The following FLT1 variants were observed in gnomAD, a reference collection of about 807,000 sequenced individuals.
FLT1 encodes the protein fms related receptor tyrosine kinase 1.
In FLT1, 49 loss-of-function variants were observed where a neutral mutation model predicts 156.3. That is an observed-to-expected ratio of 0.31 (90% CI 0.25 to 0.40). FLT1 has a LOEUF of 0.40. Ranked by LOEUF, FLT1 falls within the 10% of genes least tolerant of loss-of-function variation. The pLI is 1.00. For missense variants in FLT1, 1,322 were observed against 1,637.2 expected (o/e 0.81, Z 3.32); for synonymous variants, 594 against 583.8 (o/e 1.02, Z -0.25).
chr13:28,320,440 T>C (rs1303813220), intron 23 of FLT1, among the ~76,000 whole-genome samples: 1 of 152,138 alleles, frequency 6.6e-6, no homozygotes, highest in South Asian at 2.1e-4. Flanking sequence ...AGAACAAACA[T>C]GTCCAATTCC....
chr13:28,483,003 T>C (rs1880947193), intron 1 of FLT1, among the ~76,000 whole-genome samples: 1 of 152,180 alleles, frequency 6.6e-6, no homozygotes, highest in African/African-American at 2.4e-5. Flanking sequence ...AAGTTACAGG[T>C]ACTCAAAGTC....
At chr13:28,350,075 A>T (rs1392678041) in intron 15 of FLT1, among the ~76,000 whole-genome samples, 2 of 152,158 alleles carry the variant, frequency 1.3e-5, no homozygotes, top group African/African-American at 2.4e-5. Context: ...CCCAGCTTCA[A>T]TTTGCTGGTG....
At chr13:28,318,930 C>T (rs968085798) in intron 24 of FLT1, among the ~76,000 whole-genome samples, 3 of 152,156 alleles carry the variant, frequency 2.0e-5, no homozygotes, top group African/African-American at 7.2e-5. Flanking sequence ...AACCAGTGTC[C>T]AGAGCCATAT....
At chr13:28,349,637 G>T (rs983216928) in intron 15 of FLT1, among the ~76,000 whole-genome samples, 1 of 152,120 alleles carries the variant, frequency 6.6e-6, no homozygotes, top group African/African-American at 2.4e-5. Flanking sequence ...GATGCTTCCC[G>T]CATGGAATGC....
intron 1 of FLT1, among the ~76,000 whole-genome samples, chr13:28,481,262 T>A (rs1280944795): frequency 6.6e-6 from 1 of 151,610 alleles, no homozygotes; most frequent in African/African-American, 2.4e-5. Context: ...GCAGTGTAGA[T>A]CCTCATTCTC....
chr13:28,329,726 C>T lies in FLT1; in HGVS notation c.2596G>A (p.Gly866Arg), dbSNP rs766101235. Residue 866 changes from glycine (G) to arginine (R), a missense_variant and splice_region_variant, in exon 19 of 30, where the codon GGG becomes AGG. Around this residue, in one of 3 missense-constraint regions of FLT1, gnomAD observed 991 missense variants for 1,254.8 expected, o/e 0.79. Transcript: ENST00000282397. ...RTVAVKMLKE[G>R]ATASEYKALM... ...GCTTTGTACTCGCTGGCCGTGGCCC[C>T]CTCTGTGTGAGAAGCAAGGAAGAGT... The T allele has an allele frequency of 3.1e-6, 5 of 1,613,316 alleles. No homozygotes were observed. Among genetic ancestry groups the T allele is most frequent in the Non-Finnish European group, 3.4e-6 (4 of 1,179,372 alleles).
At chr13:28,382,676 T>C (rs1040495132) in intron 14 of FLT1, among the ~76,000 whole-genome samples, 10 of 152,124 alleles carry the variant, frequency 6.6e-5, no homozygotes, top group Non-Finnish European at 1.5e-4. Context: ...GAGAAAGGAA[T>C]GGATTTGAGA....
At chr13:28,460,829 C>T (rs796835530) in intron 3 of FLT1, among the ~76,000 whole-genome samples, 72 of 151,002 alleles carry the variant, frequency 4.8e-4, no homozygotes, top group African/African-American at 1.7e-3. Context: ...CACACACACA[C>T]GCACGTATGT....
In FLT1 at chr13:28,306,757, T is replaced by C. The variant is rs1343547520; in HGVS notation, c.3736A>G (p.Ser1246Gly). ...ATGGGAGAGGCCAACAGAGTGCTGC[T>C]GTCGCCCTGGTAGTCCTAGGGGGAG... ...TSMFDDYQGDSSTLLASPMLK... is the reference protein window; with the variant it reads ...TSMFDDYQGDGSTLLASPMLK... Residue 1246 changes from serine (S) to glycine (G), a missense_variant, in exon 29 of 30, where the codon AGC (serine) becomes GGC (glycine). Transcript: ENST00000282397. The C allele has an allele frequency of 1.2e-6, 2 of 1,613,390 alleles. No individual in the cohort carries two copies. Among genetic ancestry groups the C allele is most frequent in the Non-Finnish European group, 1.7e-6 (2 of 1,179,486 alleles).
intron 10 of FLT1, among the ~76,000 whole-genome samples, chr13:28,409,046 C>T (rs1875982336): frequency 6.6e-6 from 1 of 152,160 alleles, no homozygotes; most frequent in Non-Finnish European, 1.5e-5. Flanking sequence ...GAGCTAGGAC[C>T]TCATGTGTGA....
intron 11 of FLT1, among the ~76,000 whole-genome samples, chr13:28,401,009 T>C (rs1875397671): frequency 6.6e-6 from 1 of 152,130 alleles, no homozygotes; most frequent in Admixed American, 6.6e-5. Flanking sequence ...GTGGATCACC[T>C]GAGGTCAGGA....
chr13:28,356,295 C>T (rs187278425), intron 15 of FLT1, among the ~76,000 whole-genome samples: 2 of 152,182 alleles, frequency 1.3e-5, no homozygotes, highest in Admixed American at 6.5e-5. Flanking sequence ...TTCCCTGGCC[C>T]GGCACGGCCA....
intron 17 of FLT1, among the ~76,000 whole-genome samples, chr13:28,338,553 A>C (rs1201792687): frequency 6.6e-6 from 1 of 152,216 alleles, no homozygotes; most frequent in African/African-American, 2.4e-5. Flanking sequence ...CCTGGAAAAC[A>C]ACAGTCTTTG....
chr13:28,414,008 TC>T (rs1876491160), intron 10 of FLT1, among the ~76,000 whole-genome samples: 1 of 152,204 alleles, frequency 6.6e-6, no homozygotes, highest in Non-Finnish European at 1.5e-5. Flanking sequence ...TGTCCTTAGA[TC>T]ACACCAGCCC....
At chr13:28,353,382 G>A (rs1872789051) in intron 15 of FLT1, among the ~76,000 whole-genome samples, 1 of 151,994 alleles carries the variant, frequency 6.6e-6, no homozygotes, top group African/African-American at 2.4e-5. Flanking sequence ...AGACCAGCCT[G>A]GCCAACGTGG....
At chr13:28,428,001 T>C (rs1281994981) in intron 8 of FLT1, 80 bp from the exon 9 acceptor site, 1 of 1,274,842 alleles carries the variant, frequency 7.8e-7, no homozygotes, top group East Asian at 2.3e-5. Flanking sequence ...TTGAAGTTTT[T>C]GAGCTCAAGT....
At chr13:28,466,814 A>G in intron 3 of FLT1, 89 bp downstream of exon 3, 1 of 924,036 alleles carries the variant, frequency 1.1e-6, no homozygotes, top group Non-Finnish European at 1.8e-6. Flanking sequence ...CATACTCACT[A>G]GGAAAGCAAC....
At position 28,494,975 on chromosome 13, in the gene FLT1, G is replaced by A; in HGVS notation, c.-132C>T. On this transcript the variant is annotated 5_prime_UTR_variant, in exon 1 of 30. Transcript: ENST00000282397. Reference sequence around the variant, plus strand: ...AGCGCCCGTCTCGCGGCTCCAGCCAGGAGACAACCACTTCCCCGGGTAATC... The same window carrying A: ...AGCGCCCGTCTCGCGGCTCCAGCCAAGAGACAACCACTTCCCCGGGTAATC... The A allele has an allele frequency of 1.6e-6, 1 of 632,756 alleles. No homozygotes were observed. The highest frequency in any genetic ancestry group is 1.9e-5 in the African/African-American group (1 of 51,380). The allele number at this position is 632,756 out of a possible 1,614,324, so 39.2% of individuals were successfully genotyped here. A position where few individuals can be genotyped will look rare whatever the true frequency, so the allele number is the denominator to read the frequency against.
At position 28,302,610 on chromosome 13, in the gene FLT1, G is replaced by A. The variant is rs963767629; in HGVS notation, c.*557C>T. 3 of 234,434 alleles carry A rather than the reference G, an allele frequency of 1.3e-5. No homozygotes were observed. The highest frequency in any genetic ancestry group is 4.4e-5 in the African/African-American group (2 of 45,338). 14.5% of individuals were successfully genotyped at this position (234,434 alleles called of 1,614,324 possible). ...GCATTGCTGAGCCCCGTCCCCCTCC[G>A]TGCCCACATGGTGCGTCTCAAATTC... On this transcript the variant is annotated 3_prime_UTR_variant, in exon 30 of 30. Coordinates refer to ENST00000282397, the MANE Select transcript of FLT1 (RefSeq NM_002019.4).
Sources: allele counts gnomAD v4.1 joint callset (sites outside exome capture counted in the v4.1 genomes callset), GRCh38; gene constraint gnomAD v4.1.1; regional missense constraint gnomAD v4.1.1; transcripts MANE v1.5; gene names NCBI Gene and HGNC (gene_info 2026-07-23, HGNC 2026-07-21).